The following DCLK3 variants were observed in gnomAD, a reference collection of about 807,000 sequenced individuals.
The protein encoded by DCLK3 is serine/threonine-protein kinase DCLK3.
A neutral mutation model predicts 46.4 loss-of-function variants in DCLK3; 30 were observed. The observed-to-expected ratio is 0.65, with a 90% CI of 0.48 to 0.88. DCLK3 has a LOEUF of 0.88. Among genes scored for constraint, DCLK3 ranks in the 40% least tolerant of loss-of-function variants. DCLK3 has a pLI of 0.00. For synonymous variants in DCLK3, 401 were observed against 339.2 expected (o/e 1.18, Z -2.00); for missense variants, 846 against 907.1 (o/e 0.93, Z 0.87).
chr3:36,733,935 C>T (rs1701228813), intron 2 of DCLK3, among the ~76,000 whole-genome samples: 1 of 152,300 alleles, frequency 6.6e-6, no homozygotes, highest in South Asian at 2.1e-4. Flanking sequence ...TTACAATCAG[C>T]CATGTAATCA....
intron 1 of DCLK3, among the ~76,000 whole-genome samples, chr3:36,750,959 A>G (rs1701435139): frequency 6.6e-6 from 1 of 151,496 alleles, no homozygotes; most frequent in Admixed American, 6.6e-5. Context: ...CCTAGTTGTT[A>G]AGCCAGCCAA....
Position 36,738,402 on chromosome 3 carries a change from A to C in DCLK3, c.765T>G (p.Asp255Glu). The change falls in exon 2 of 5, where the codon GAT (aspartate) becomes GAG (glutamate). Residue 255 changes from aspartate (D) to glutamate (E), a missense_variant. This residue lies in a region of DCLK3 where 553 missense variants were observed against 543.0 expected (regional missense o/e 1.02). Transcript: ENST00000636136. ...ACTTCTTCTGGGTCCTCGCTCTGTCATCTAGTGAAAGCTCCTCGGGGATCT... is the reference window on the plus strand; with the variant it reads ...ACTTCTTCTGGGTCCTCGCTCTGTCCTCTAGTGAAAGCTCCTCGGGGATCT... Reference protein sequence around the residue: ...QGKIPEELSLDDRARTQKKWG... With the variant: ...QGKIPEELSLEDRARTQKKWG... 3 of 1,484,198 alleles carry C rather than the reference A, an allele frequency of 2.0e-6. No individual in the cohort carries two copies. The South Asian group carries it at 4.4e-5, about 22-fold the overall frequency. The allele number at this position is 1,484,198 out of a possible 1,614,324, so 91.9% of individuals were successfully genotyped here. A position where few individuals can be genotyped will look rare whatever the true frequency, so the allele number is the denominator to read the frequency against.
At chr3:36,746,843 T>C (rs1280362215) in intron 1 of DCLK3, among the ~76,000 whole-genome samples, 2 of 152,166 alleles carry the variant, frequency 1.3e-5, no homozygotes, top group Admixed American at 6.5e-5. Flanking sequence ...CACTTGTAAG[T>C]CCTGTTGAAG....
At chr3:36,753,002 A>G (rs1701456358) in intron 1 of DCLK3, among the ~76,000 whole-genome samples, 1 of 152,248 alleles carries the variant, frequency 6.6e-6, no homozygotes, top group Non-Finnish European at 1.5e-5. Context: ...CTTTTATACT[A>G]AAAATTGATA....
In DCLK3 at chr3:36,747,534, T is replaced by G. The variant is rs527921560; in HGVS notation, c.83-8450A>C. On this transcript the variant is annotated intron_variant, in intron 1 of 4. Coordinates refer to ENST00000636136, the MANE Select transcript of DCLK3 (RefSeq NM_001394672.2). The stretch of plus-strand genomic sequence containing the variant: ...AAGATTATTTTAGTAAGGTTTGTTA[T>G]GCATATTCCTCTCAGAGCCATCTCT... 2.7e-4 allele frequency among the ~76,000 whole-genome samples: 41 copies of G among 152,208 alleles called. 2 individuals are homozygous for G. The South Asian group carries it at 8.3e-3, about 31-fold the overall frequency.
intron 2 of DCLK3, 103 bp from the exon 3 acceptor site, chr3:36,721,762 A>G: frequency 7.2e-7 from 1 of 1,391,526 alleles, no homozygotes; most frequent in Non-Finnish European, 1.0e-6. Flanking sequence ...GCAAACCATA[A>G]ACCTATATGA....
chr3:36,746,286 C>A (rs980986191), intron 1 of DCLK3, among the ~76,000 whole-genome samples: 7 of 152,206 alleles, frequency 4.6e-5, no homozygotes, highest in African/African-American at 1.7e-4. Context: ...TCTAACCCAC[C>A]TAACAGATGC....
intron 2 of DCLK3, among the ~76,000 whole-genome samples, chr3:36,730,583 G>C (rs569413125): frequency 6.6e-6 from 1 of 152,142 alleles, no homozygotes; most frequent in Non-Finnish European, 1.5e-5. Flanking sequence ...TAAGGGCTGC[G>C]TTGTCTAGTA....
At chr3:36,759,385 C>T (rs1701518236) in intron 1 of DCLK3, among the ~76,000 whole-genome samples, 1 of 152,316 alleles carries the variant, frequency 6.6e-6, no homozygotes, top group Middle Eastern at 3.4e-3. Context: ...CTATCTCTTC[C>T]TGCACTGGTG....
Position 36,728,362 on chromosome 3 carries a change from G to A in DCLK3, c.1960-6703C>T, listed in dbSNP as rs73824466. Among the ~76,000 whole-genome samples, 107 of 152,228 alleles carry A rather than the reference G, an allele frequency of 7.0e-4. 1 individual carries two copies. The highest frequency in any genetic ancestry group is 2.3e-3 in the African/African-American group (97 of 41,528). ...TAGTACTGATAAAGTATCATTGGTG[G>A]GGGGTGGGGGGACGGTGTCTGTTAG... On this transcript the variant is annotated intron_variant, in intron 2 of 4. Transcript: ENST00000636136.
At position 36,718,157 on chromosome 3, in the gene DCLK3, T is replaced by C. The variant is rs1461433402; in HGVS notation, c.2113A>G (p.Met705Val). The change falls in exon 4 of 5, where the codon ATG becomes GTG. Residue 705 changes from methionine (M) to valine (V), a missense_variant. Met to Val is a conservative substitution (Grantham distance 21, BLOSUM62 1). Around this residue, in one of 3 missense-constraint regions of DCLK3, gnomAD observed 247 missense variants for 322.8 expected, o/e 0.77. Coordinates refer to ENST00000636136, the MANE Select transcript of DCLK3 (RefSeq NM_001394672.2). ...SEKGYGLEVD[M>V]WAAGVILYIL... is the part of the protein sequence containing the mutation. ...TAGAGGATCACGCCAGCAGCCCACATGTCCACCTCCAGTCCATAACCTGCG... is the reference window on the plus strand; with the variant it reads ...TAGAGGATCACGCCAGCAGCCCACACGTCCACCTCCAGTCCATAACCTGCG... 10 of 1,614,088 alleles carry C rather than the reference T, an allele frequency of 6.2e-6. No individual in the cohort carries two copies. Among genetic ancestry groups the C allele is most frequent in the South Asian group, 1.1e-5 (1 of 91,082 alleles).
chr3:36,763,979 C>T (rs930647511), intron 1 of DCLK3, among the ~76,000 whole-genome samples: 1 of 152,322 alleles, frequency 6.6e-6, no homozygotes, highest in East Asian at 1.9e-4. Context: ...TACACCCGCA[C>T]GCGCGCGCGT....
chr3:36,755,645 G>A (rs907014639), intron 1 of DCLK3, among the ~76,000 whole-genome samples: 1 of 152,106 alleles, frequency 6.6e-6, no homozygotes, highest in Non-Finnish European at 1.5e-5. Flanking sequence ...AGCATTAAAG[G>A]AGGTCATGGG....
chr3:36,721,925 A>C (rs995997389), intron 2 of DCLK3, among the ~76,000 whole-genome samples: 5 of 152,224 alleles, frequency 3.3e-5, no homozygotes, highest in African/African-American at 9.7e-5. Flanking sequence ...TTATTAAGTA[A>C]AATTAAATTT....
intron 1 of DCLK3, among the ~76,000 whole-genome samples, chr3:36,751,813 G>C (rs768518245): frequency 6.6e-6 from 1 of 152,186 alleles, no homozygotes; most frequent in Non-Finnish European, 1.5e-5. Flanking sequence ...GTGGTAGGCT[G>C]GCAATGAACA....
chr3:36,737,302 T>G lies in DCLK3; in HGVS notation c.1865A>C (p.Asp622Ala), dbSNP rs773087239. Residue 622 changes from aspartate (D) to alanine (A), a missense_variant, in exon 2 of 5, where the codon GAT becomes GCT. This residue lies in a region of DCLK3 where 247 missense variants were observed against 322.8 expected (regional missense o/e 0.77). Coordinates refer to ENST00000636136, the MANE Select transcript of DCLK3 (RefSeq NM_001394672.2). The surrounding 1 kb of genome is among the most constrained non-coding windows in gnomAD (Gnocchi z 4.4). The stretch of plus-strand genomic sequence containing the variant: ...TAAGTCCATGATCATGAGGGCAGCA[T>G]CGGGCTCCGGGAACTTCACACTTTC... Reference protein sequence around the residue: ...IIESVKFPEPDAALMIMDLCK... With the variant: ...IIESVKFPEPAAALMIMDLCK... 10 of 1,614,064 alleles carry G rather than the reference T, an allele frequency of 6.2e-6. No individual in the cohort carries two copies. The South Asian group carries it at 1.1e-4, about 18-fold the overall frequency.
intron 1 of DCLK3, among the ~76,000 whole-genome samples, chr3:36,742,809 G>T (rs1701357113): frequency 1.3e-5 from 2 of 152,268 alleles, no homozygotes; most frequent in African/African-American, 4.8e-5. Flanking sequence ...GGCAGGGAGA[G>T]CAAACAGCAG....
At chr3:36,747,910 T>C (rs924073055) in intron 1 of DCLK3, among the ~76,000 whole-genome samples, 2 of 152,188 alleles carry the variant, frequency 1.3e-5, no homozygotes, top group African/African-American at 4.8e-5. Flanking sequence ...GACCCTCAGG[T>C]GGTGTGATGC....
chr3:36,739,020 C>T lies in DCLK3; in HGVS notation c.147G>A (p.Leu49=). The T allele has an allele frequency of 5.0e-6, 2 of 398,962 alleles. No individual in the cohort carries two copies. The highest frequency in any genetic ancestry group is 8.8e-6 in the Non-Finnish European group (2 of 226,116). The allele number at this position is 398,962 out of a possible 1,614,324, so 24.7% of individuals were successfully genotyped here. Residue 49 remains leucine, a synonymous_variant, in exon 2 of 5, where the codon CTG becomes CTA. Coordinates refer to ENST00000636136, the MANE Select transcript of DCLK3 (RefSeq NM_001394672.2). ...GGCTGGCAGGCAGCCAGGAGCCTTG[C>T]AGCTTCCGCTCTGTGATTCTCGAGC... ...YLSSRITERK[L]QGSWLPASRG... is the part of the protein sequence containing the mutation.
Sources: gnomAD v4.1 joint callset for allele counts (sites outside exome capture counted in the v4.1 genomes callset) on GRCh38, gnomAD v4.1.1 for gene constraint, gnomAD v4.1.1 regional missense constraint, Gnocchi (gnomAD v3.1) non-coding constraint, MANE v1.5 for transcripts, NCBI Gene and HGNC (gene_info 2026-07-23, HGNC 2026-07-21) for gene names.